CEP83: variants seen among roughly 807,000 people sequenced by gnomAD.
The protein encoded by CEP83 is centrosomal protein 83, also known as centrosomal protein of 83 kDa.
Under a neutral mutation model 101.9 loss-of-function variants are expected in CEP83, and 70 were observed. That is an observed-to-expected ratio of 0.69 (90% CI 0.57 to 0.84). The LOEUF is 0.84. CEP83 is among the 40% of genes least tolerant of loss of function. CEP83 has a pLI of 0.00. For missense variants in CEP83, 715 were observed against 787.2 expected, an observed-to-expected ratio of 0.91 and a Z score of 1.10; for synonymous variants, 264 against 267.9, an observed-to-expected ratio of 0.99 and a Z score of 0.14.
intron 2 of CEP83, chr12:94,424,329 G>A: frequency 6.2e-7 from 1 of 1,614,156 alleles, no homozygotes; most frequent in South Asian, 1.1e-5. Flanking sequence ...AATTTGCAAA[G>A]CAAGGGATCG....
At chr12:94,288,322 G>A in the CEP83 span, among the ~76,000 whole-genome samples, 1 of 152,132 alleles carries the variant, frequency 6.6e-6, no homozygotes, top group Admixed American at 6.5e-5. Context: ...CCTCTCTCAG[G>A]CATCTGGGCT....
the CEP83 span, among the ~76,000 whole-genome samples, chr12:94,275,100 C>T: frequency 6.6e-6 from 1 of 152,168 alleles, no homozygotes; most frequent in Non-Finnish European, 1.5e-5. Context: ...GTCCAGGTGG[C>T]CCGGTGCTGG....
In CEP83 at chr12:94,342,784, CA is replaced by C. The variant is rs576443841; in HGVS notation, c.1344-7121del. Among the ~76,000 whole-genome samples, 392 of 141,368 alleles carry C rather than the reference CA, an allele frequency of 2.8e-3. 3 individuals carry two copies. Among genetic ancestry groups the C allele is most frequent in the African/African-American group, 8.2e-3 (317 of 38,550 alleles). The allele number at this position is 141,368 out of a possible 152,430, so 92.7% of individuals were successfully genotyped here. On this transcript the variant is annotated intron_variant, in intron 11 of 16. Coordinates refer to ENST00000397809, the MANE Select transcript of CEP83 (RefSeq NM_016122.3). ...TGGTGATGGTATCAGACAAGTCAAG[CA>C]AAAAAAAAAGACAAAAAAAGCAATT...
intron 8 of CEP83, 78 bp downstream of exon 8, chr12:94,375,808 C>T: frequency 1.4e-6 from 1 of 733,646 alleles, no homozygotes; most frequent in Non-Finnish European, 2.0e-6. Context: ...ATAAAGAAAT[C>T]AATTATTAAA....
the CEP83 span, among the ~76,000 whole-genome samples, chr12:94,294,057 C>G: frequency 6.6e-6 from 1 of 152,290 alleles, no homozygotes; most frequent in East Asian, 1.9e-4. Flanking sequence ...GGAGGAGACA[C>G]AAACATTCAG....
At chr12:94,454,789 A>G (rs2067530714) in intron 1 of CEP83, among the ~76,000 whole-genome samples, 1 of 150,460 alleles carries the variant, frequency 6.6e-6, no homozygotes, top group African/African-American at 2.5e-5. Flanking sequence ...GGAATGAACA[A>G]TGCCGGACGC....
At chr12:94,409,317 T>C (rs1447525797) in intron 4 of CEP83, among the ~76,000 whole-genome samples, 1 of 151,918 alleles carries the variant, frequency 6.6e-6, no homozygotes, top group Non-Finnish European at 1.5e-5. Context: ...TTACTAGATA[T>C]GTTTATCTTA....
chr12:94,423,350 C>CTG (rs1194883032), intron 2 of CEP83, among the ~76,000 whole-genome samples: 7 of 151,978 alleles, frequency 4.6e-5, no homozygotes, highest in Admixed American at 3.3e-4. Flanking sequence ...TCCCAAAGTA[C>CTG]TGGGATTACA....
intron 11 of CEP83, among the ~76,000 whole-genome samples, chr12:94,350,961 CATT>C (rs1360099647): frequency 1.3e-5 from 2 of 152,022 alleles, no homozygotes; most frequent in African/African-American, 4.8e-5. Context: ...AGGAAGACAT[CATT>C]AAGATGACTG....
the CEP83 span, among the ~76,000 whole-genome samples, chr12:94,287,202 G>C: frequency 3.7e-4 from 56 of 152,196 alleles, no homozygotes; most frequent in African/African-American, 9.7e-4. Context: ...GCAGACAAAG[G>C]GTTAAGCGTG....
At chr12:94,288,982 G>A in the CEP83 span, among the ~76,000 whole-genome samples, 1 of 152,004 alleles carries the variant, frequency 6.6e-6, no homozygotes, top group Non-Finnish European at 1.5e-5. Context: ...AAAATTTATA[G>A]CTACAATGCC....
At chr12:94,458,123 G>A (rs1300242808) in intron 1 of CEP83, among the ~76,000 whole-genome samples, 1 of 151,780 alleles carries the variant, frequency 6.6e-6, no homozygotes, top group Non-Finnish European at 1.5e-5. Flanking sequence ...CTTGAAACTG[G>A]GAGGCGGAAG....
intron 2 of CEP83, among the ~76,000 whole-genome samples, chr12:94,421,543 C>T (rs1014756717): frequency 1.3e-5 from 2 of 152,092 alleles, no homozygotes; most frequent in African/African-American, 4.8e-5. Flanking sequence ...AAAATTTATT[C>T]TACTATTTCT....
chr12:94,402,441 G>A lies in CEP83; in HGVS notation c.417+729C>T, dbSNP rs542189930. 13 of 152,366 alleles carry A rather than the reference G, an allele frequency of 8.5e-5. No homozygotes were observed. In the East Asian group the frequency reaches 9.6e-4, roughly 11 times the overall value. 9.4% of individuals were successfully genotyped at this position (152,366 alleles called of 1,614,324 possible). ...AAATAAAAAACAGAGCAAGGTAAGG[G>A]GGTCTAAAGGTCTAAGCAGTAATGG... is the stretch of plus-strand genomic sequence containing the variant. On this transcript the variant is annotated intron_variant, in intron 5 of 16. Transcript: ENST00000397809.
chr12:94,276,915 C>T, the CEP83 span: 4 of 152,260 alleles, frequency 2.6e-5, no homozygotes. Context: ...ACAGGCCAGA[C>T]GGAGATCACC....
downstream of CEP83, among the ~76,000 whole-genome samples, chr12:94,302,998 C>T (rs145881160): frequency 6.6e-5 from 10 of 152,288 alleles, no homozygotes; most frequent in East Asian, 1.9e-3. Context: ...TTCATCAAGC[C>T]ATTGATTCAG....
Position 94,459,835 on chromosome 12 carries a change from C to A in CEP83, c.-433G>T. On this transcript the variant is annotated 5_prime_UTR_variant, in exon 1 of 17. Transcript: ENST00000397809. ...CGGCGGCGGCGGCGGTGAAAAGCCC[C>A]ACTCCTCCGCGTGGACCGGGATCCT... 1 of 153,902 alleles carries A rather than the reference C, an allele frequency of 6.5e-6. No individual in the cohort carries two copies. The highest frequency in any genetic ancestry group is 1.9e-4 in the South Asian group (1 of 5,208). 9.5% of individuals were successfully genotyped at this position (153,902 alleles called of 1,614,324 possible).
chr12:94,313,040 G>A (rs2136297276), intron 14 of CEP83, 23 bp from the exon 15 acceptor site: 1 of 1,030,870 alleles, frequency 9.7e-7, no homozygotes, highest in African/African-American at 1.6e-5. Context: ...ATATGAACAA[G>A]TATGTTAATA....
intron 12 of CEP83, among the ~76,000 whole-genome samples, chr12:94,334,739 G>A (rs529683306): frequency 6.6e-6 from 1 of 152,234 alleles, no homozygotes; most frequent in East Asian, 1.9e-4. Flanking sequence ...TAAACGGTAT[G>A]TCTCAGATTT....
Sources: gnomAD v4.1 joint callset for allele counts (sites outside exome capture counted in the v4.1 genomes callset) on GRCh38, gnomAD v4.1.1 for gene constraint, MANE v1.5 for transcripts, NCBI Gene and HGNC (gene_info 2026-07-23, HGNC 2026-07-21) for gene names.